The following DOCK9 variants were observed in gnomAD, a reference collection of about 807,000 sequenced individuals.
DOCK9 encodes dedicator of cytokinesis protein 9.
Under a neutral mutation model 263.3 loss-of-function variants are expected in DOCK9, and 89 were observed. The ratio of observed to expected loss-of-function variants is 0.34; its 90% confidence interval spans 0.28 to 0.40. DOCK9 has a LOEUF of 0.40. Ranked by LOEUF, DOCK9 falls within the 10% of genes least tolerant of loss-of-function variation. The pLI is 1.00. For synonymous variants in DOCK9, 976 were observed against 973.1 expected (o/e 1.00, Z -0.06); for missense variants, 2,140 against 2,603.4 (o/e 0.82, Z 3.87).
intron 1 of DOCK9, among the ~76,000 whole-genome samples, chr13:98,955,934 C>T (rs1337111281): frequency 2.6e-5 from 4 of 152,338 alleles, no homozygotes; most frequent in South Asian, 4.1e-4. Flanking sequence ...GCTCCAGCCA[C>T]GATACCATCC....
intron 1 of DOCK9, among the ~76,000 whole-genome samples, chr13:98,997,971 T>C (rs1291009667): frequency 2.0e-5 from 3 of 152,198 alleles, no homozygotes; most frequent in Non-Finnish European, 4.4e-5. Flanking sequence ...GAGGATTTTC[T>C]CAGACTAGGG....
At chr13:99,049,186 A>C (rs1038105338) in intron 1 of DOCK9, among the ~76,000 whole-genome samples, 1 of 152,208 alleles carries the variant, frequency 6.6e-6, no homozygotes, top group Non-Finnish European at 1.5e-5. Flanking sequence ...GTGAAATGAA[A>C]ATTCTTAAAT....
At chr13:98,924,260 G>A (rs948114069) in intron 4 of DOCK9, among the ~76,000 whole-genome samples, 2 of 152,142 alleles carry the variant, frequency 1.3e-5, no homozygotes, top group African/African-American at 4.8e-5. Context: ...AGAGGCAATC[G>A]GGGAATTGGC....
At chr13:98,824,367 C>T (rs770927907) in intron 45 of DOCK9, 31 bp downstream of exon 45, 23 of 1,593,076 alleles carry the variant, frequency 1.4e-5, no homozygotes, top group Non-Finnish European at 1.8e-5. Context: ...TACCCCAGTA[C>T]CTGAAAGCCC....
chr13:98,807,563 T>C (rs1392850325), intron 48 of DOCK9, 98 bp downstream of exon 48: 7 of 1,156,500 alleles, frequency 6.1e-6, no homozygotes, highest in Non-Finnish European at 7.9e-6. Context: ...ATCCTTAATA[T>C]TTTTCTTGTG....
chr13:98,977,913 C>T lies in DOCK9; in HGVS notation c.-4G>A, dbSNP rs768002300. ...TCCTGCATTTATCAGCCTGCATTCT[C>T]GGCTGAAAACGCAAGTCAGAAAGTC... On this transcript the variant is annotated 5_prime_UTR_variant, in exon 1 of 53. Coordinates refer to ENST00000682017, the MANE Select transcript of DOCK9 (RefSeq NM_001366683.2). 36 of 1,576,920 alleles carry T rather than the reference C, an allele frequency of 2.3e-5. 1 individual carries two copies. The Admixed American group carries it at 2.6e-4, about 11-fold the overall frequency.
At chr13:98,883,365 A>C (rs1390366914) in intron 22 of DOCK9, among the ~76,000 whole-genome samples, 1 of 151,980 alleles carries the variant, frequency 6.6e-6, no homozygotes, top group Non-Finnish European at 1.5e-5. Flanking sequence ...CCCCTACCCT[A>C]GCCTCCTAGG....
intron 2 of DOCK9, chr13:98,950,294 C>T: frequency 1.3e-6 from 1 of 765,654 alleles, no homozygotes; most frequent in South Asian, 1.6e-5. Context: ...AGGAATGATT[C>T]CAGTCGCTTA....
chr13:98,884,010 A>G, intron 21 of DOCK9, 111 bp from the exon 22 acceptor site: 1 of 751,268 alleles, frequency 1.3e-6, no homozygotes, highest in African/African-American at 1.8e-5. Context: ...AGAGAACTTT[A>G]GTGACTTGGC....
chr13:98,868,730 G>A (rs1360005910), intron 27 of DOCK9, among the ~76,000 whole-genome samples: 2 of 152,100 alleles, frequency 1.3e-5, no homozygotes, highest in Non-Finnish European at 2.9e-5. Flanking sequence ...CTCCAGCCAG[G>A]GTGACAAAGC....
intron 1 of DOCK9, among the ~76,000 whole-genome samples, chr13:99,024,523 C>T (rs1886491287): frequency 6.6e-6 from 1 of 152,156 alleles, no homozygotes; most frequent in African/African-American, 2.4e-5. Flanking sequence ...AAAAGTTGTT[C>T]CAACATGTGA....
intron 35 of DOCK9, among the ~76,000 whole-genome samples, chr13:98,852,785 C>CA (rs1351622403): frequency 6.6e-6 from 1 of 152,218 alleles, no homozygotes; most frequent in African/African-American, 2.4e-5. Context: ...TGTCCTGTCA[C>CA]ACACATTTGC....
At chr13:98,873,455 A>G (rs2094241893) in intron 27 of DOCK9, among the ~76,000 whole-genome samples, 2 of 152,228 alleles carry the variant, frequency 1.3e-5, no homozygotes, top group Non-Finnish European at 1.5e-5. Flanking sequence ...ATGGTAATAG[A>G]ACCTCAACTT....
At chr13:98,919,826 C>T (rs1021839124) in intron 7 of DOCK9, among the ~76,000 whole-genome samples, 1 of 152,224 alleles carries the variant, frequency 6.6e-6, no homozygotes, top group African/African-American at 2.4e-5. Flanking sequence ...TGGTGGCCCA[C>T]CCACAGCAGG....
At chr13:99,039,075 A>G (rs1369103713) in intron 1 of DOCK9, among the ~76,000 whole-genome samples, 2 of 152,224 alleles carry the variant, frequency 1.3e-5, no homozygotes, top group Non-Finnish European at 2.9e-5. Context: ...CATTTACTAT[A>G]CCCGGCAAAG....
intron 27 of DOCK9, among the ~76,000 whole-genome samples, chr13:98,878,771 G>A (rs547925956): frequency 1.3e-5 from 2 of 152,338 alleles, no homozygotes; most frequent in South Asian, 4.1e-4. Context: ...CAGGCCCAGT[G>A]TCTGCTTTAC....
chr13:99,034,643 C>G (rs1887678702), intron 1 of DOCK9, among the ~76,000 whole-genome samples: 1 of 152,190 alleles, frequency 6.6e-6, no homozygotes, highest in Non-Finnish European at 1.5e-5. Flanking sequence ...CCGCAGCACT[C>G]AACGAACAGC....
chr13:99,028,720 G>A (rs1218145934), intron 1 of DOCK9, among the ~76,000 whole-genome samples: 1 of 152,170 alleles, frequency 6.6e-6, no homozygotes, highest in Non-Finnish European at 1.5e-5. Flanking sequence ...AACAGGTAAT[G>A]TGACTACCTC....
chr13:98,908,470 A>G (rs1595198597), intron 9 of DOCK9, among the ~76,000 whole-genome samples: 2 of 152,290 alleles, frequency 1.3e-5, no homozygotes, highest in South Asian at 2.1e-4. Context: ...AAAACCTTAA[A>G]TGTTCATTAA....
Sources: gnomAD v4.1 joint callset for allele counts (sites outside exome capture counted in the v4.1 genomes callset) on GRCh38, gnomAD v4.1.1 for gene constraint, MANE v1.5 for transcripts, NCBI Gene and HGNC (gene_info 2026-07-23, HGNC 2026-07-21) for gene names.